Variants in PPP3CA observed in about 807,000 individuals in gnomAD.
PPP3CA encodes CAM-PRP catalytic subunit.
Under a neutral mutation model 66.5 loss-of-function variants are expected in PPP3CA, and 14 were observed. That is an observed-to-expected ratio of 0.21 (90% CI 0.14 to 0.33). The LOEUF (loss-of-function observed/expected upper bound fraction) is 0.33, where lower values mean the gene tolerates loss of function less well. PPP3CA is among the 10% of genes least tolerant of loss of function. The probability of loss-of-function intolerance (pLI) is 1.00; values close to 1 mark genes in which losing one functional copy is unlikely to be tolerated. For synonymous variants in PPP3CA, 232 were observed against 226.2 expected (o/e 1.03, Z -0.23); for missense variants, 317 against 639.5 (o/e 0.50, Z 5.44).
rs1730036616 is a variant in PPP3CA at position 101,347,121 on chromosome 4, G to A, written c.-325C>T. ...CTTTTATTCTTGGGGGAAGGGGGAT[G>A]GGGAGGAGAAGCGCACACACGAGCA... On this transcript the variant is annotated 5_prime_UTR_variant, in exon 1 of 14. Coordinates refer to ENST00000394854, the MANE Select transcript of PPP3CA (RefSeq NM_000944.5). 6.2e-6 allele frequency: 3 copies of A among 480,740 alleles called. No homozygotes were observed. Among genetic ancestry groups the A allele is most frequent in the Non-Finnish European group, 1.1e-5 (3 of 267,988 alleles). The allele number at this position is 480,740 out of a possible 1,614,324, so 29.8% of individuals were successfully genotyped here. A position where few individuals can be genotyped will look rare whatever the true frequency, so the allele number is the denominator to read the frequency against.
At chr4:101,099,930 A>G (rs1247032933) in intron 3 of PPP3CA, among the ~76,000 whole-genome samples, 1 of 152,006 alleles carries the variant, frequency 6.6e-6, no homozygotes, top group Non-Finnish European at 1.5e-5. Flanking sequence ...CCTAAAACAT[A>G]CATACACGCA....
chr4:101,284,667 T>C (rs982184218), intron 1 of PPP3CA, among the ~76,000 whole-genome samples: 1 of 152,132 alleles, frequency 6.6e-6, no homozygotes, highest in African/African-American at 2.4e-5. Flanking sequence ...GTCTTTTTTT[T>C]TTCCCCTTAT....
chr4:101,040,133 G>A (rs941778227), intron 11 of PPP3CA, among the ~76,000 whole-genome samples: 1 of 151,778 alleles, frequency 6.6e-6, no homozygotes, highest in Admixed American at 6.6e-5. Flanking sequence ...CTTTCACCAC[G>A]AGCCAGAACG....
At chr4:101,203,162 T>C (rs990726293) in intron 1 of PPP3CA, among the ~76,000 whole-genome samples, 5 of 152,212 alleles carry the variant, frequency 3.3e-5, no homozygotes, top group Non-Finnish European at 7.3e-5. Flanking sequence ...ATCTGAAATG[T>C]GCTACAAGCA....
intron 1 of PPP3CA, among the ~76,000 whole-genome samples, chr4:101,228,057 A>T (rs2659524): frequency 0.79 from 119,624 of 151,608 alleles, 47,475 homozygotes; most frequent in Non-Finnish European, 0.81. Context: ...AAGCTACCCA[A>T]GATGGAATAA....
chr4:101,044,951 AGTGGGG>A (rs915962954), intron 10 of PPP3CA, among the ~76,000 whole-genome samples: 1 of 152,236 alleles, frequency 6.6e-6, no homozygotes, highest in Non-Finnish European at 1.5e-5. Flanking sequence ...CACCACAGAT[AGTGGGG>A]GCAAGTGCTT....
intron 1 of PPP3CA, among the ~76,000 whole-genome samples, chr4:101,280,954 AAAG>A (rs1289529846): frequency 2.6e-5 from 4 of 152,122 alleles, no homozygotes; most frequent in Admixed American, 2.6e-4. Flanking sequence ...CTGGAGAAAC[AAAG>A]AAGAAATAGG....
chr4:101,199,117 A>C (rs1320399287), intron 1 of PPP3CA, among the ~76,000 whole-genome samples: 1 of 152,194 alleles, frequency 6.6e-6, no homozygotes, highest in Non-Finnish European at 1.5e-5. Flanking sequence ...GTATTTGTGC[A>C]CCTTTTGGCT....
At chr4:101,292,617 G>C (rs560539341) in intron 1 of PPP3CA, among the ~76,000 whole-genome samples, 61 of 152,302 alleles carry the variant, frequency 4.0e-4, no homozygotes, top group African/African-American at 1.5e-3. Context: ...GAATTGAAGA[G>C]AGATTTTCTA....
At chr4:101,333,183 C>T (rs1186847587) in intron 1 of PPP3CA, among the ~76,000 whole-genome samples, 1 of 146,080 alleles carries the variant, frequency 6.8e-6, no homozygotes, top group Admixed American at 6.9e-5. Flanking sequence ...TGACTCACTG[C>T]AGCCTCAACC....
intron 1 of PPP3CA, among the ~76,000 whole-genome samples, chr4:101,220,780 A>C (rs1725601311): frequency 6.6e-6 from 1 of 151,710 alleles, no homozygotes; most frequent in Admixed American, 6.6e-5. Flanking sequence ...AGGTTTATTC[A>C]TTCACATTAA....
At chr4:101,326,659 C>G (rs1407469190) in intron 1 of PPP3CA, among the ~76,000 whole-genome samples, 1 of 152,162 alleles carries the variant, frequency 6.6e-6, no homozygotes, top group Non-Finnish European at 1.5e-5. Flanking sequence ...AATGCCGTGT[C>G]CTGAAATAAA....
chr4:101,080,036 C>CA (rs1729366858), intron 8 of PPP3CA, among the ~76,000 whole-genome samples: 1 of 151,890 alleles, frequency 6.6e-6, no homozygotes. Flanking sequence ...TTGAAGTTTA[C>CA]TTTTTTTTGC....
intron 1 of PPP3CA, among the ~76,000 whole-genome samples, chr4:101,333,096 C>G: frequency 7.6e-6 from 1 of 130,990 alleles, no homozygotes; most frequent in South Asian, 2.5e-4. Context: ...ATAATGCCAT[C>G]TTCTTTCTTT....
intron 1 of PPP3CA, among the ~76,000 whole-genome samples, chr4:101,213,573 A>G (rs936824408): frequency 4.6e-5 from 7 of 152,276 alleles, no homozygotes; most frequent in African/African-American, 1.7e-4. Flanking sequence ...TTCAACTTAA[A>G]AAAACCCAAC....
chr4:101,167,001 T>G (rs1206198900), intron 2 of PPP3CA, among the ~76,000 whole-genome samples: 2 of 152,214 alleles, frequency 1.3e-5, no homozygotes, highest in African/African-American at 4.8e-5. Context: ...ACGTGCAATT[T>G]AGCATTTTGA....
intron 1 of PPP3CA, among the ~76,000 whole-genome samples, chr4:101,341,677 G>C (rs1429904401): frequency 1.3e-5 from 2 of 152,132 alleles, no homozygotes; most frequent in Non-Finnish European, 2.9e-5. Context: ...TTTATGTATA[G>C]AGAAAGTTAG....
chr4:101,240,231 C>T (rs894491263), intron 1 of PPP3CA, among the ~76,000 whole-genome samples: 1 of 151,940 alleles, frequency 6.6e-6, no homozygotes. Flanking sequence ...AGGATCTTTT[C>T]GCCCTTTAAA....
At chr4:101,217,682 C>T (rs554151736) in intron 1 of PPP3CA, among the ~76,000 whole-genome samples, 1 of 152,258 alleles carries the variant, frequency 6.6e-6, no homozygotes, top group South Asian at 2.1e-4. Flanking sequence ...TCAGGGGCTT[C>T]ACATATTTAT....
Sources: allele counts gnomAD v4.1 joint callset (sites outside exome capture counted in the v4.1 genomes callset), GRCh38; gene constraint gnomAD v4.1.1; transcripts MANE v1.5; gene names NCBI Gene and HGNC (gene_info 2026-07-23, HGNC 2026-07-21).